The following ZSCAN5A variants were observed in gnomAD, a reference collection of about 807,000 sequenced individuals.
ZSCAN5A encodes zinc finger and SCAN domain-containing protein 5A.
A neutral mutation model predicts 23.7 loss-of-function variants in ZSCAN5A; 12 were observed. The observed-to-expected ratio is 0.51, with a 90% CI of 0.32 to 0.82. ZSCAN5A has a LOEUF of 0.82. Among genes scored for constraint, ZSCAN5A ranks in the 40% least tolerant of loss-of-function variants. The pLI is 0.03. For missense variants in ZSCAN5A, 597 were observed against 617.9 expected (o/e 0.97, Z 0.36); for synonymous variants, 257 against 239.9 (o/e 1.07, Z -0.66).
In ZSCAN5A at chr19:56,262,802, T is replaced by C. The variant is rs76238311; in HGVS notation, c.-127-37629A>G. Among the ~76,000 whole-genome samples the C allele has an allele frequency of 5.9e-3, 893 of 152,358 alleles. 16 individuals carry two copies. The highest frequency in any genetic ancestry group is 0.02 in the African/African-American group (816 of 41,584). Reference sequence around the variant, plus strand: ...TGTATGTATCGATAGTTCATCCTTTTTATTGCTGTGCAATATTCCATTGAT... The same window carrying C: ...TGTATGTATCGATAGTTCATCCTTTCTATTGCTGTGCAATATTCCATTGAT... On this transcript the variant is annotated intron_variant, in intron 2 of 5. Transcript: ENST00000683990.
intron 2 of ZSCAN5A, chr19:56,296,312 G>A: frequency 6.6e-6 from 1 of 152,308 alleles, no homozygotes; most frequent in Non-Finnish European, 1.5e-5. Flanking sequence ...TCTGACTCGC[G>A]TTGTATGCCC....
At chr19:56,247,863 T>C (rs2036055880) in intron 2 of ZSCAN5A, among the ~76,000 whole-genome samples, 1 of 152,054 alleles carries the variant, frequency 6.6e-6, no homozygotes, top group Admixed American at 6.5e-5. Context: ...GGCTAATTTT[T>C]TGTACTTTTA....
intron 2 of ZSCAN5A, among the ~76,000 whole-genome samples, chr19:56,249,483 G>C (rs2036193161): frequency 1.3e-5 from 2 of 152,150 alleles, no homozygotes; most frequent in African/African-American, 2.4e-5. Flanking sequence ...TGTTGGCCAG[G>C]CTGGTCTGGA....
intron 2 of ZSCAN5A, among the ~76,000 whole-genome samples, chr19:56,287,114 T>C (rs2039183025): frequency 6.6e-6 from 1 of 152,238 alleles, no homozygotes; most frequent in Non-Finnish European, 1.5e-5. Flanking sequence ...TTGTGGTTTC[T>C]GTTACTCCTG....
chr19:56,260,368 C>T (rs1185323647), intron 2 of ZSCAN5A, among the ~76,000 whole-genome samples: 1 of 151,936 alleles, frequency 6.6e-6, no homozygotes, highest in East Asian at 1.9e-4. Context: ...GCATGTGCCA[C>T]CACGCCCGGC....
intron 2 of ZSCAN5A, among the ~76,000 whole-genome samples, chr19:56,324,641 C>CAAAAA (rs35806754): frequency 1.2e-5 from 1 of 81,814 alleles, no homozygotes; most frequent in Non-Finnish European, 2.9e-5. Flanking sequence ...TGTACATGTT[C>CAAAAA]AAAAAAAAAA....
intron 2 of ZSCAN5A, among the ~76,000 whole-genome samples, chr19:56,277,644 A>G (rs1341069451): frequency 5.9e-5 from 9 of 152,186 alleles, no homozygotes. Flanking sequence ...AGTATCCTAC[A>G]AACCACTGAA....
chr19:56,318,066 C>T (rs1332495479), upstream of ZSCAN5A: 1 of 152,134 alleles, frequency 6.6e-6, no homozygotes, highest in Non-Finnish European at 1.5e-5. Flanking sequence ...GGTAAGATTC[C>T]ATTGCCCAGA....
At chr19:56,233,658 T>TA (rs554607166) in intron 2 of ZSCAN5A, among the ~76,000 whole-genome samples, 48 of 149,386 alleles carry the variant, frequency 3.2e-4, no homozygotes, top group South Asian at 1.9e-3. Flanking sequence ...CACAGCTGCT[T>TA]AAAAAAAAAT....
chr19:56,312,859 C>T (rs1246832586), intron 2 of ZSCAN5A, among the ~76,000 whole-genome samples: 7 of 152,222 alleles, frequency 4.6e-5, no homozygotes, highest in South Asian at 2.1e-4. Flanking sequence ...TAGACTGCAC[C>T]TATTTCATAC....
At position 56,326,305 on chromosome 19, in the gene ZSCAN5A, T is replaced by TTGTGTGTGTGTGTGTG. The variant is rs368735639; in HGVS notation, c.-357-10053_-357-10038dup. ...ATATATCCACATCTCACAGTTACCA[T>TTGTGTGTGTGTGTGTG]TGTGTGTGTGTGTGTGTGTGTGTGT... is the stretch of plus-strand genomic sequence containing the variant. On this transcript the variant is annotated intron_variant, in intron 2 of 6. Transcript: ENST00000587340. 1.6e-3 allele frequency among the ~76,000 whole-genome samples: 234 copies of TTGTGTGTGTGTGTGTG among 145,618 alleles called. 1 individual carries two copies. The highest frequency in any genetic ancestry group is 5.6e-3 in the African/African-American group (222 of 39,932).
intron 2 of ZSCAN5A, among the ~76,000 whole-genome samples, chr19:56,295,578 G>A (rs1368400882): frequency 1.3e-5 from 2 of 152,098 alleles, no homozygotes; most frequent in African/African-American, 2.4e-5. Context: ...CTGGGCAACA[G>A]AGCAAGACTC....
intron 2 of ZSCAN5A, chr19:56,247,185 C>T (rs1388224328): frequency 3.7e-6 from 2 of 540,394 alleles, no homozygotes; most frequent in Non-Finnish European, 6.7e-6. Flanking sequence ...AGCTCTCAGA[C>T]CTCCGCGTCC....
chr19:56,262,611 T>C (rs1265743857), intron 2 of ZSCAN5A, among the ~76,000 whole-genome samples: 1 of 151,796 alleles, frequency 6.6e-6, no homozygotes, highest in Non-Finnish European at 1.5e-5. Flanking sequence ...TTTGTGTCTT[T>C]AGTAGAGACG....
At chr19:56,301,816 G>A in intron 2 of ZSCAN5A, 1 of 790,248 alleles carries the variant, frequency 1.3e-6, no homozygotes, top group Non-Finnish European at 1.7e-6. Context: ...GGGGGAAGCT[G>A]GCAGTGATGG....
At chr19:56,252,695 A>G (rs2036427972) in intron 2 of ZSCAN5A, among the ~76,000 whole-genome samples, 1 of 152,230 alleles carries the variant, frequency 6.6e-6, no homozygotes, top group African/African-American at 2.4e-5. Context: ...ATCCCAAGGA[A>G]AGAGCAAGTC....
chr19:56,353,708 G>C (rs1420800213), intron 2 of ZSCAN5A, among the ~76,000 whole-genome samples: 1 of 152,028 alleles, frequency 6.6e-6, no homozygotes, highest in Admixed American at 6.6e-5. Context: ...CATGAACCCG[G>C]GAGGCAGAGC....
At chr19:56,301,799 C>T in intron 2 of ZSCAN5A, 1 of 659,962 alleles carries the variant, frequency 1.5e-6, no homozygotes, top group Admixed American at 4.4e-5. Flanking sequence ...ATGGTGGTAA[C>T]CAAGAAGGGG....
intron 2 of ZSCAN5A, chr19:56,302,719 C>G (rs2040427576): frequency 2.7e-6 from 1 of 369,928 alleles, no homozygotes; most frequent in East Asian, 3.7e-5. Flanking sequence ...TTCTTCCCTC[C>G]CTCCCACCTC....
Sources: allele counts gnomAD v4.1 joint callset (sites outside exome capture counted in the v4.1 genomes callset), GRCh38; gene constraint gnomAD v4.1.1; transcripts MANE v1.5; gene names NCBI Gene and HGNC (gene_info 2026-07-23, HGNC 2026-07-21).